The following ARHGEF10L variants were observed in gnomAD, a reference collection of about 807,000 sequenced individuals.
ARHGEF10L encodes rho guanine nucleotide exchange factor 10-like protein.
In ARHGEF10L, 69 loss-of-function variants were observed where a neutral mutation model predicts 141.2. That is an observed-to-expected ratio of 0.49 (90% confidence interval 0.40 to 0.60). The LOEUF (loss-of-function observed/expected upper bound fraction) is 0.60. ARHGEF10L is among the 20% of genes least tolerant of loss of function. ARHGEF10L has a pLI of 0.00. For synonymous variants in ARHGEF10L, 711 were observed against 718.5 expected, an observed-to-expected ratio of 0.99 and a Z score of 0.17; for missense variants, 1,482 against 1,734.3, an observed-to-expected ratio of 0.85 and a Z score of 2.58.
Position 17,580,564 on chromosome 1 carries a change from G to A in ARHGEF10L, c.-32G>A. On this transcript the variant is annotated 5_prime_UTR_variant, in exon 2 of 29. Coordinates refer to ENST00000361221, the MANE Select transcript of ARHGEF10L (RefSeq NM_018125.4). ...TCTTCTTTCCACAGGTGTGTAGCTG[G>A]GACGGTGCTGGTCTGAGCTGGACCT... 6.2e-7 allele frequency: 1 copy of A among 1,614,174 alleles called. No homozygotes were observed. Among genetic ancestry groups the A allele is most frequent in the Non-Finnish European group, 8.5e-7 (1 of 1,180,018 alleles).
intron 1 of ARHGEF10L, among the ~76,000 whole-genome samples, chr1:17,545,991 G>A (rs775149879): frequency 6.6e-6 from 1 of 152,232 alleles, no homozygotes; most frequent in Non-Finnish European, 1.5e-5. Context: ...TGGCTCTGGT[G>A]TCAGGTGAAT....
intron 26 of ARHGEF10L, among the ~76,000 whole-genome samples, chr1:17,677,337 CTCTG>C (rs1168208084): frequency 2.0e-5 from 3 of 152,386 alleles, no homozygotes; most frequent in South Asian, 2.1e-4. Flanking sequence ...TCTGCCTTAC[CTCTG>C]TCTGTCTGTC....
At chr1:17,524,364 T>TACACACAC in the ARHGEF10L span, among the ~76,000 whole-genome samples, 3,185 of 115,998 alleles carry the variant, frequency 0.027, 98 homozygotes, top group Middle Eastern at 0.045. Flanking sequence ...ACCCCGTCTC[T>TACACACAC]ACACACACAC....
the ARHGEF10L span, among the ~76,000 whole-genome samples, chr1:17,527,518 A>G: frequency 6.6e-6 from 1 of 152,086 alleles, no homozygotes; most frequent in East Asian, 1.9e-4. Context: ...ATTTTATGGC[A>G]CCACCCGTAC....
chr1:17,569,509 C>T (rs2077900549), intron 1 of ARHGEF10L, among the ~76,000 whole-genome samples: 1 of 152,226 alleles, frequency 6.6e-6, no homozygotes, highest in South Asian at 2.1e-4. Flanking sequence ...CTAAGCTTTG[C>T]AAAGGCTGTT....
At chr1:17,577,299 G>T (rs996262189) in intron 1 of ARHGEF10L, among the ~76,000 whole-genome samples, 1 of 152,180 alleles carries the variant, frequency 6.6e-6, no homozygotes, top group African/African-American at 2.4e-5. Context: ...GCCTGCCCCG[G>T]CCTCCCAAAG....
At chr1:17,605,742 G>T (rs1476914036) in intron 6 of ARHGEF10L, among the ~76,000 whole-genome samples, 3 of 152,172 alleles carry the variant, frequency 2.0e-5, no homozygotes, top group South Asian at 2.1e-4. Flanking sequence ...GCTCAGCCCT[G>T]TGGAGGCGTG....
intron 1 of ARHGEF10L, among the ~76,000 whole-genome samples, chr1:17,540,978 A>G (rs1038153253): frequency 1.3e-5 from 2 of 152,208 alleles, no homozygotes; most frequent in African/African-American, 2.4e-5. Flanking sequence ...CAGACTAGAA[A>G]GCAGGTCAGC....
At chr1:17,520,648 G>A in the ARHGEF10L span, among the ~76,000 whole-genome samples, 8 of 152,204 alleles carry the variant, frequency 5.3e-5, no homozygotes, top group African/African-American at 1.7e-4. Context: ...GAGGAGAACC[G>A]TGCTGGGTGC....
rs572933982 is a variant in ARHGEF10L at position 17,557,361 on chromosome 1, A to T, written c.-44+17411A>T. Among the ~76,000 whole-genome samples, 5 of 152,020 alleles carry T rather than the reference A, an allele frequency of 3.3e-5. No individual in the cohort carries two copies. In the South Asian group the frequency reaches 8.3e-4, roughly 25 times the overall value. ...CCATCTCAAAAAAAAAAAAACAAAA[A>T]AAACCAAAAAAAACAAAAAGAAAAT... On this transcript the variant is annotated intron_variant, in intron 1 of 28. Transcript: ENST00000361221.
upstream of ARHGEF10L, among the ~76,000 whole-genome samples, chr1:17,535,623 AAGG>A (rs2076565181): frequency 6.6e-6 from 1 of 152,174 alleles, no homozygotes; most frequent in Non-Finnish European, 1.5e-5. Context: ...CAGCGGAGAC[AAGG>A]AGGACAGACT....
chr1:17,653,904 T>G (rs1043753416), intron 22 of ARHGEF10L, among the ~76,000 whole-genome samples: 2 of 152,228 alleles, frequency 1.3e-5, no homozygotes, highest in Non-Finnish European at 2.9e-5. Flanking sequence ...TGTTAGAATA[T>G]TCTAACAATG....
chr1:17,694,941 C>A, intron 27 of ARHGEF10L: 1 of 716,374 alleles, frequency 1.4e-6, no homozygotes, highest in Non-Finnish European at 2.5e-6. Flanking sequence ...CAGGCGGAAA[C>A]TGAGGCTGGT....
At position 17,558,435 on chromosome 1, in the gene ARHGEF10L, G is replaced by A. The variant is rs1329875144; in HGVS notation, c.-44+18485G>A. The stretch of plus-strand genomic sequence containing the variant: ...GTCTAGTGGGCTGTCAGAAAACTAA[G>A]CAAATGATTCCAGTCCAGAGTGTTA... On this transcript the variant is annotated intron_variant, in intron 1 of 28. Coordinates refer to ENST00000361221, the MANE Select transcript of ARHGEF10L (RefSeq NM_018125.4). The surrounding 1 kb of genome is among the most constrained non-coding windows in gnomAD (Gnocchi z 4.2). Among the ~76,000 whole-genome samples, 1 of 152,264 alleles carries A rather than the reference G, an allele frequency of 6.6e-6. No homozygotes were observed. Among genetic ancestry groups the A allele is most frequent in the Non-Finnish European group, 1.5e-5 (1 of 68,050 alleles).
intron 22 of ARHGEF10L, among the ~76,000 whole-genome samples, chr1:17,653,350 G>A (rs776342710): frequency 6.6e-6 from 1 of 152,330 alleles, no homozygotes; most frequent in South Asian, 2.1e-4. Context: ...ACATTTAGGG[G>A]CTAGGGCCTT....
chr1:17,675,074 G>A (rs1232064560), intron 26 of ARHGEF10L, among the ~76,000 whole-genome samples: 2 of 152,122 alleles, frequency 1.3e-5, no homozygotes, highest in Non-Finnish European at 2.9e-5. Flanking sequence ...GGGAGCTGGG[G>A]GTCTGATCAA....
chr1:17,643,538 G>A (rs1401366343), intron 21 of ARHGEF10L, among the ~76,000 whole-genome samples: 1 of 152,194 alleles, frequency 6.6e-6, no homozygotes, highest in Admixed American at 6.5e-5. Flanking sequence ...ACACAGGAAG[G>A]TTTGAGAGGC....
the ARHGEF10L span, among the ~76,000 whole-genome samples, chr1:17,527,783 C>A: frequency 6.6e-6 from 1 of 151,896 alleles, no homozygotes; most frequent in African/African-American, 2.4e-5. Flanking sequence ...AGTTTCCGAC[C>A]TATTCACTGA....
At position 17,687,489 on chromosome 1, in the gene ARHGEF10L, A is replaced by C. The variant is rs545925510; in HGVS notation, c.3010-84A>C. 1.0e-5 allele frequency: 15 copies of C among 1,481,516 alleles called. No individual in the cohort carries two copies. In the African/African-American group the frequency reaches 1.8e-4, roughly 18 times the overall value. The allele number at this position is 1,481,516 out of a possible 1,614,324, so 91.8% of individuals were successfully genotyped here. On this transcript the variant is annotated intron_variant, in intron 26 of 28. Transcript: ENST00000361221. Reference sequence around the variant, plus strand: ...GCTTGAGCTTTTGAAGAATGTGAGAATGGCTGGCCCAGGGGTGGGGGCTTG... The same window carrying C: ...GCTTGAGCTTTTGAAGAATGTGAGACTGGCTGGCCCAGGGGTGGGGGCTTG...
Sources: allele counts gnomAD v4.1 joint callset (sites outside exome capture counted in the v4.1 genomes callset), GRCh38; gene constraint gnomAD v4.1.1; non-coding constraint Gnocchi (gnomAD v3.1); transcripts MANE v1.5; gene names NCBI Gene and HGNC (gene_info 2026-07-23, HGNC 2026-07-21).